Variants in PLXDC2 observed in about 807,000 individuals in gnomAD.
PLXDC2 encodes plexin domain containing 2, also known as plexin domain-containing protein 2.
PLXDC2 carries 40 observed loss-of-function variants against 68.9 expected under a neutral mutation model. That is an observed-to-expected ratio of 0.58 (90% CI 0.45 to 0.76). PLXDC2 has a LOEUF of 0.76. Ranked by LOEUF, PLXDC2 falls within the 30% of genes least tolerant of loss-of-function variation. The pLI, the probability that PLXDC2 is intolerant of heterozygous loss-of-function variation, is 0.00. For synonymous variants in PLXDC2, 243 were observed against 234.2 expected (o/e 1.04, Z -0.34); for missense variants, 644 against 661.9 (o/e 0.97, Z 0.30).
chr10:19,840,540 C>T lies in PLXDC2; in HGVS notation c.112+23349C>T, dbSNP rs145517610. ...TAAAAACTAAGTAAGCTCACAGTTC[C>T]AAGACAGAGTACATTGAATAGTAAG... On this transcript the variant is annotated intron_variant, in intron 1 of 13. Transcript: ENST00000377252. Among the ~76,000 whole-genome samples the T allele has an allele frequency of 4.2e-4, 64 of 152,118 alleles. 1 individual carries two copies. Among genetic ancestry groups the T allele is most frequent in the African/African-American group, 1.5e-3 (63 of 41,526 alleles).
In PLXDC2 at chr10:20,214,249, G is replaced by A. The variant is rs1393169689; in HGVS notation, c.1122+2520G>A. Among the ~76,000 whole-genome samples the A allele has an allele frequency of 5.9e-5, 9 of 152,058 alleles. No individual in the cohort carries two copies. In the East Asian group the frequency reaches 1.4e-3, roughly 23 times the overall value. On this transcript the variant is annotated intron_variant, in intron 10 of 13. Coordinates refer to ENST00000377252, the MANE Select transcript of PLXDC2 (RefSeq NM_032812.9). ...AAATTTTGGTGATCTAAATAGTGTG[G>A]TCATTGTTTTTGCTGATTCTTTCTC...
chr10:19,972,951 T>A (rs947082386), intron 1 of PLXDC2, among the ~76,000 whole-genome samples: 3 of 152,138 alleles, frequency 2.0e-5, no homozygotes, highest in African/African-American at 7.2e-5. Context: ...AAATTGTATG[T>A]TAACTTGTAT....
intron 4 of PLXDC2, among the ~76,000 whole-genome samples, chr10:20,092,786 G>A (rs1436932604): frequency 6.6e-6 from 1 of 151,920 alleles, no homozygotes; most frequent in Non-Finnish European, 1.5e-5. Context: ...TTTATAAGAG[G>A]AAGGGAAAGG....
intron 1 of PLXDC2, among the ~76,000 whole-genome samples, chr10:19,900,665 G>T (rs1307061438): frequency 1.3e-5 from 2 of 151,876 alleles, no homozygotes; most frequent in Admixed American, 1.3e-4. Flanking sequence ...ACATGCATAA[G>T]TTCTTTAGTG....
intron 12 of PLXDC2, among the ~76,000 whole-genome samples, chr10:20,238,576 G>A (rs1418017712): frequency 6.7e-6 from 1 of 149,512 alleles, no homozygotes; most frequent in Admixed American, 6.7e-5. Context: ...GAATCCGGGA[G>A]GCAGAGGCTG....
At chr10:19,850,472 T>C (rs1180544456) in intron 1 of PLXDC2, among the ~76,000 whole-genome samples, 1 of 152,120 alleles carries the variant, frequency 6.6e-6, no homozygotes, top group African/African-American at 2.4e-5. Flanking sequence ...CTGTACTCCT[T>C]TTATTGGGCA....
intron 2 of PLXDC2, among the ~76,000 whole-genome samples, chr10:20,019,606 A>G (rs756801159): frequency 6.6e-6 from 1 of 152,202 alleles, no homozygotes; most frequent in Non-Finnish European, 1.5e-5. Flanking sequence ...GGGCTTATAA[A>G]AAGAGAGAGA....
At chr10:20,271,357 T>C (rs1030044530) in intron 13 of PLXDC2, among the ~76,000 whole-genome samples, 1 of 152,154 alleles carries the variant, frequency 6.6e-6, no homozygotes, top group Non-Finnish European at 1.5e-5. Context: ...AAAATGGTTT[T>C]GTACCATGAA....
chr10:20,060,960 G>A (rs181613057), intron 3 of PLXDC2, among the ~76,000 whole-genome samples: 1 of 152,198 alleles, frequency 6.6e-6, no homozygotes, highest in African/African-American at 2.4e-5. Context: ...ATGCCTACTG[G>A]TGATTTGAAT....
chr10:20,125,746 T>A (rs1382831748), intron 4 of PLXDC2, among the ~76,000 whole-genome samples: 1 of 152,128 alleles, frequency 6.6e-6, no homozygotes, highest in African/African-American at 2.4e-5. Flanking sequence ...TGTTGTCTTT[T>A]TTTTAAACTG....
At chr10:20,200,687 A>G (rs1437784812) in intron 9 of PLXDC2, among the ~76,000 whole-genome samples, 1 of 152,132 alleles carries the variant, frequency 6.6e-6, no homozygotes, top group African/African-American at 2.4e-5. Context: ...GCAAATAACC[A>G]ACAACCTAAT....
intron 12 of PLXDC2, among the ~76,000 whole-genome samples, chr10:20,221,857 A>T (rs370070550): frequency 1.3e-5 from 2 of 152,196 alleles, no homozygotes; most frequent in South Asian, 4.1e-4. Context: ...ACATTTTTGT[A>T]AATTTCTCTG....
chr10:20,218,840 A>G (rs1371403526), intron 11 of PLXDC2, among the ~76,000 whole-genome samples: 1 of 152,170 alleles, frequency 6.6e-6, no homozygotes, highest in Non-Finnish European at 1.5e-5. Flanking sequence ...GGATCATTCA[A>G]GATGTTACCA....
In PLXDC2 at chr10:20,263,181, TAA is replaced by T. The variant is rs1835830438; in HGVS notation, c.1474-16520_1474-16519del. Among the ~76,000 whole-genome samples the T allele has an allele frequency of 3.9e-5, 6 of 152,164 alleles. No homozygotes were observed. The South Asian group carries it at 1.2e-3, about 32-fold the overall frequency. ...AGGCACGCAGACCAATGGAACAGAA[TAA>T]AGAGCCCAGAAATAAGGCCACACAT... On this transcript the variant is annotated intron_variant, in intron 13 of 13. Coordinates refer to ENST00000377252, the MANE Select transcript of PLXDC2 (RefSeq NM_032812.9).
intron 3 of PLXDC2, among the ~76,000 whole-genome samples, chr10:20,053,733 C>T (rs1283419438): frequency 6.6e-6 from 1 of 152,092 alleles, no homozygotes; most frequent in Non-Finnish European, 1.5e-5. Context: ...TATCTCTGTC[C>T]TGGTGGAAGG....
chr10:19,928,988 C>G (rs1394570174), intron 1 of PLXDC2, among the ~76,000 whole-genome samples: 1 of 151,704 alleles, frequency 6.6e-6, no homozygotes, highest in Non-Finnish European at 1.5e-5. Context: ...CTCCTGACCT[C>G]AGCTGATTCG....
At chr10:19,828,323 G>C (rs1249276393) in intron 1 of PLXDC2, among the ~76,000 whole-genome samples, 1 of 152,174 alleles carries the variant, frequency 6.6e-6, no homozygotes, top group Non-Finnish European at 1.5e-5. Context: ...TGAGAGTACA[G>C]TTTGCAAGTT....
At chr10:20,198,535 T>A (rs1287875258) in intron 9 of PLXDC2, among the ~76,000 whole-genome samples, 1 of 152,174 alleles carries the variant, frequency 6.6e-6, no homozygotes. Context: ...AACTTTTAAC[T>A]CTTAGTTATC....
intron 1 of PLXDC2, among the ~76,000 whole-genome samples, chr10:19,818,608 T>C (rs1310828552): frequency 6.6e-6 from 1 of 152,200 alleles, no homozygotes; most frequent in Non-Finnish European, 1.5e-5. Context: ...TTCTTGGGTG[T>C]TGACTTGTCT....
Sources: allele counts gnomAD v4.1 joint callset (sites outside exome capture counted in the v4.1 genomes callset), GRCh38; gene constraint gnomAD v4.1.1; transcripts MANE v1.5; gene names NCBI Gene and HGNC (gene_info 2026-07-23, HGNC 2026-07-21).